The following RIMS2 variants were observed in gnomAD, a reference collection of about 807,000 sequenced individuals.
The protein encoded by RIMS2 is regulating synaptic membrane exocytosis 2.
In RIMS2, 59 loss-of-function variants were observed where a neutral mutation model predicts 174.4. The ratio of observed to expected loss-of-function variants is 0.34; its 90% CI spans 0.27 to 0.42. RIMS2 has a LOEUF of 0.42. RIMS2 is among the 10% of genes least tolerant of loss of function. RIMS2 has a pLI of 1.00. For missense variants in RIMS2, 1,620 were observed against 1,666.3 expected, an observed-to-expected ratio of 0.97 and a Z score of 0.48; for synonymous variants, 606 against 572.5, an observed-to-expected ratio of 1.06 and a Z score of -0.84.
At chr8:104,137,994 G>T (rs754412130) in intron 19 of RIMS2, among the ~76,000 whole-genome samples, 1 of 152,042 alleles carries the variant, frequency 6.6e-6, no homozygotes, top group South Asian at 2.1e-4. Context: ...AGGTCCATGC[G>T]TGTAGTTGTT....
chr8:103,565,335 C>T (rs999979372), intron 1 of RIMS2, among the ~76,000 whole-genome samples: 1 of 151,696 alleles, frequency 6.6e-6, no homozygotes, highest in African/African-American at 2.4e-5. Flanking sequence ...GACGAGGTCT[C>T]ACTCTGTTGT....
At chr8:103,553,570 C>A (rs963740604) in intron 1 of RIMS2, among the ~76,000 whole-genome samples, 3 of 152,006 alleles carry the variant, frequency 2.0e-5, no homozygotes, top group African/African-American at 7.2e-5. Flanking sequence ...ATGTTGTGCT[C>A]ATGTACCTTA....
chr8:104,132,806 C>T (rs113860212), intron 19 of RIMS2, among the ~76,000 whole-genome samples: 2 of 152,228 alleles, frequency 1.3e-5, no homozygotes, highest in Admixed American at 6.5e-5. Context: ...TATTTTTTCA[C>T]GTGGCATGTA....
chr8:104,249,124 G>A (rs1450244846), intron 21 of RIMS2, among the ~76,000 whole-genome samples: 1 of 151,406 alleles, frequency 6.6e-6, no homozygotes, highest in East Asian at 1.9e-4. Context: ...GTAGAGACAG[G>A]GCCTCATTGT....
intron 2 of RIMS2, among the ~76,000 whole-genome samples, chr8:103,726,758 A>G (rs1435792272): frequency 6.7e-6 from 1 of 148,710 alleles, no homozygotes. Context: ...TTTGAGACAG[A>G]GTCTCGCTTT....
intron 1 of RIMS2, chr8:103,559,300 G>T: frequency 5.0e-6 from 1 of 200,370 alleles, no homozygotes; most frequent in Admixed American, 6.1e-5. Flanking sequence ...CCATTAGCAG[G>T]GACATCTCTT....
chr8:103,706,725 T>G (rs1470787797), intron 2 of RIMS2, among the ~76,000 whole-genome samples: 1 of 152,164 alleles, frequency 6.6e-6, no homozygotes, highest in Non-Finnish European at 1.5e-5. Flanking sequence ...ATCCTTTCTT[T>G]GTCCTTGATG....
chr8:103,874,046 A>C (rs192388139), intron 3 of RIMS2, among the ~76,000 whole-genome samples: 33 of 152,148 alleles, frequency 2.2e-4, no homozygotes, highest in African/African-American at 7.7e-4. Flanking sequence ...TTGATCCTGA[A>C]TCTCCTGTAA....
At chr8:104,083,289 T>C (rs912123285) in intron 19 of RIMS2, among the ~76,000 whole-genome samples, 3 of 152,190 alleles carry the variant, frequency 2.0e-5, no homozygotes, top group Non-Finnish European at 4.4e-5. Context: ...AAAGTACTAA[T>C]AATTGAAAGG....
chr8:104,143,426 C>T (rs990134237), intron 19 of RIMS2, among the ~76,000 whole-genome samples: 5 of 152,078 alleles, frequency 3.3e-5, no homozygotes, highest in Middle Eastern at 3.4e-3. Flanking sequence ...ATGCAAGAAA[C>T]GGCACTTTAA....
chr8:103,937,047 G>A (rs1014882246), intron 13 of RIMS2, among the ~76,000 whole-genome samples: 18 of 151,844 alleles, frequency 1.2e-4, no homozygotes, highest in Non-Finnish European at 1.8e-4. Flanking sequence ...GCAGTGAGCC[G>A]AGATCGCGCC....
intron 19 of RIMS2, among the ~76,000 whole-genome samples, chr8:104,226,489 G>A (rs1014315075): frequency 1.3e-5 from 2 of 152,042 alleles, no homozygotes; most frequent in Non-Finnish European, 2.9e-5. Flanking sequence ...ATTTATTGGG[G>A]GTATTTGATG....
At chr8:103,655,175 C>A (rs954185194) in intron 1 of RIMS2, among the ~76,000 whole-genome samples, 1 of 151,836 alleles carries the variant, frequency 6.6e-6, no homozygotes, top group African/African-American at 2.4e-5. Context: ...ATTGAATGAG[C>A]CATTTGTTTT....
At chr8:103,598,863 C>T (rs765807735) in intron 1 of RIMS2, among the ~76,000 whole-genome samples, 5 of 151,862 alleles carry the variant, frequency 3.3e-5, no homozygotes, top group Non-Finnish European at 7.4e-5. Context: ...CTATGATCTG[C>T]TTCTGTCTAT....
chr8:103,677,254 TA>T (rs148777707), intron 1 of RIMS2, among the ~76,000 whole-genome samples: 25 of 148,718 alleles, frequency 1.7e-4, no homozygotes, highest in East Asian at 5.9e-4. Context: ...CTTAAGTGTG[TA>T]AAAAAAAAAG....
intron 1 of RIMS2, among the ~76,000 whole-genome samples, chr8:103,514,384 A>G (rs572805821): frequency 6.6e-6 from 1 of 152,180 alleles, no homozygotes; most frequent in South Asian, 2.1e-4. Flanking sequence ...GTGATTCCAC[A>G]TGTAGAAAAC....
chr8:103,951,592 T>TC (rs1217455382), intron 14 of RIMS2, among the ~76,000 whole-genome samples: 18 of 152,306 alleles, frequency 1.2e-4, no homozygotes, highest in African/African-American at 4.3e-4. Context: ...TTTCCCATGG[T>TC]CTTCACATCC....
At chr8:104,136,532 T>C (rs759426837) in intron 19 of RIMS2, among the ~76,000 whole-genome samples, 8 of 152,140 alleles carry the variant, frequency 5.3e-5, no homozygotes, top group Non-Finnish European at 8.8e-5. Context: ...AATCAGTCTC[T>C]TCATAGAATC....
chr8:104,141,519 G>C (rs2098572961), intron 19 of RIMS2, among the ~76,000 whole-genome samples: 2 of 152,136 alleles, frequency 1.3e-5, no homozygotes, highest in Non-Finnish European at 2.9e-5. Context: ...TGAATCCCAA[G>C]TCTCCTGATA....
Sources: gnomAD v4.1 joint callset for allele counts (sites outside exome capture counted in the v4.1 genomes callset) on GRCh38, gnomAD v4.1.1 for gene constraint, MANE v1.5 for transcripts, NCBI Gene and HGNC (gene_info 2026-07-23, HGNC 2026-07-21) for gene names.